TNFRSF10D: variants seen among roughly 807,000 people sequenced by gnomAD.
TNFRSF10D encodes TNF receptor superfamily member 10d.
A neutral mutation model predicts 42.1 loss-of-function variants in TNFRSF10D; 28 were observed. The observed-to-expected ratio is 0.66, with a 90% CI of 0.49 to 0.91. TNFRSF10D has a LOEUF of 0.91. Among genes scored for constraint, TNFRSF10D ranks in the 40% least tolerant of loss-of-function variants. The pLI is 0.00. For synonymous variants in TNFRSF10D, 186 were observed against 189.4 expected, an observed-to-expected ratio of 0.98 and a Z score of 0.15; for missense variants, 503 against 486.1, an observed-to-expected ratio of 1.03 and a Z score of -0.33.
chr8:23,159,115 C>T (rs1290257633), intron 1 of TNFRSF10D, among the ~76,000 whole-genome samples: 902 of 151,688 alleles, frequency 5.9e-3, no homozygotes, highest in African/African-American at 0.019. Context: ...GTGTCTGTGT[C>T]TGTGGTTTTT....
intron 1 of TNFRSF10D, among the ~76,000 whole-genome samples, chr8:23,156,862 C>T (rs925415245): frequency 5.3e-5 from 8 of 152,204 alleles, no homozygotes; most frequent in Non-Finnish European, 8.8e-5. Flanking sequence ...CCACCACACA[C>T]AGTCCGTTTT....
At chr8:23,138,371 C>T in intron 7 of TNFRSF10D, 111 bp from the exon 8 acceptor site, 1 of 1,159,190 alleles carries the variant, frequency 8.6e-7, no homozygotes, top group Non-Finnish European at 1.3e-6. Flanking sequence ...TCTTGGGTCT[C>T]CATGGAGATG....
At chr8:23,151,642 CA>C (rs1800213766) in intron 2 of TNFRSF10D, among the ~76,000 whole-genome samples, 1 of 151,822 alleles carries the variant, frequency 6.6e-6, no homozygotes, top group South Asian at 2.1e-4. Flanking sequence ...TAAATAATGA[CA>C]AAACATAAAA....
rs1294764232 is a variant in TNFRSF10D, at chr8:23,146,965, T to C, written c.478A>G (p.Thr160Ala). 2 of 1,613,942 alleles carry C rather than the reference T, an allele frequency of 1.2e-6. No homozygotes were observed. Among genetic ancestry groups the C allele is most frequent in the South Asian group, 1.1e-5 (1 of 91,082 alleles). Residue 160 changes from threonine to alanine, a missense_variant, in exon 4 of 9, where the codon ACA becomes GCA. Transcript: ENST00000312584. ...NSPEMCRTCR[T>A]GCPRGMVKVS... ...AGCCCCTGGCTGCTGTCTTACCCTG[T>C]TCTACACGTCCGGCACATCTCAGGG...
In TNFRSF10D at chr8:23,145,698, A is replaced by G; in HGVS notation, c.706T>C (p.Phe236Leu). ...CAGATGCCTTTGAGGTAAGAAATGAATTTCTTCCGACATGAAAAGCCAACC... is the reference window on the plus strand; with the variant it reads ...CAGATGCCTTTGAGGTAAGAAATGAGTTTCTTCCGACATGAAAAGCCAACC... ...VVVGFSCRKK[F>L]ISYLKGICSG... Residue 236 changes from phenylalanine to leucine, a missense_variant, in exon 5 of 9, where the codon TTC (phenylalanine) becomes CTC (leucine). By Grantham distance (22) the Phe-to-Leu change is conservative (BLOSUM62 0). Transcript: ENST00000312584. The G allele has an allele frequency of 6.2e-7, 1 of 1,614,156 alleles. No individual in the cohort carries two copies. Among genetic ancestry groups the G allele is most frequent in the Non-Finnish European group, 8.5e-7 (1 of 1,180,026 alleles).
chr8:23,160,843 C>A (rs1056425575), intron 1 of TNFRSF10D, among the ~76,000 whole-genome samples: 1 of 152,238 alleles, frequency 6.6e-6, no homozygotes, highest in East Asian at 1.9e-4. Flanking sequence ...AACTCCAACC[C>A]GGGCCGGACA....
intron 1 of TNFRSF10D, among the ~76,000 whole-genome samples, chr8:23,158,217 T>C (rs992768347): frequency 6.6e-6 from 1 of 152,232 alleles, no homozygotes. Context: ...CTGTCTCTCC[T>C]TCTGCCTTAT....
intron 7 of TNFRSF10D, among the ~76,000 whole-genome samples, chr8:23,144,180 C>T (rs1231238814): frequency 6.6e-6 from 1 of 152,232 alleles, no homozygotes; most frequent in Non-Finnish European, 1.5e-5. Context: ...TTATTCAGTC[C>T]TCAGTGAACC....
At chr8:23,139,524 C>A (rs1314840156) in intron 7 of TNFRSF10D, among the ~76,000 whole-genome samples, 3 of 152,082 alleles carry the variant, frequency 2.0e-5, no homozygotes, top group Non-Finnish European at 4.4e-5. Context: ...CCCATTGGAA[C>A]ATGCCTCAAA....
In TNFRSF10D at chr8:23,147,952, C is replaced by A. The variant is rs540442910; in HGVS notation, c.370+486G>T. 3.2e-3 allele frequency among the ~76,000 whole-genome samples: 478 copies of A among 151,268 alleles called. 1 individual carries two copies. Among genetic ancestry groups the A allele is most frequent in the African/African-American group, 0.011 (449 of 41,224 alleles). Reference sequence around the variant, plus strand: ...TGGTGGCGGGCACCTGTAGTCATAGCTACTCAGGAGGCTGAGGCAGGAGAA... The same window carrying A: ...TGGTGGCGGGCACCTGTAGTCATAGATACTCAGGAGGCTGAGGCAGGAGAA... On this transcript the variant is annotated intron_variant, in intron 3 of 8. Coordinates refer to ENST00000312584, the MANE Select transcript of TNFRSF10D (RefSeq NM_003840.5).
intron 7 of TNFRSF10D, 144 bp downstream of exon 7, chr8:23,144,306 C>T: frequency 2.2e-6 from 2 of 898,994 alleles, no homozygotes; most frequent in South Asian, 1.8e-5. Flanking sequence ...CTCAGTGCAG[C>T]TGCTCCGTCC....
intron 7 of TNFRSF10D, among the ~76,000 whole-genome samples, chr8:23,138,841 G>A (rs1403265641): frequency 5.9e-3 from 900 of 152,120 alleles, no homozygotes; most frequent in African/African-American, 0.019. Context: ...AGTAAGCTGT[G>A]TTCTTGATGA....
intron 3 of TNFRSF10D, 69 bp downstream of exon 3, chr8:23,148,369 C>T: frequency 7.9e-7 from 1 of 1,261,470 alleles, no homozygotes; most frequent in Non-Finnish European, 1.1e-6. Flanking sequence ...CCCCGACTCA[C>T]ATCGGCTACA....
chr8:23,151,885 C>G (rs1800216434), intron 2 of TNFRSF10D, among the ~76,000 whole-genome samples: 1 of 152,136 alleles, frequency 6.6e-6, no homozygotes, highest in African/African-American at 2.4e-5. Context: ...TGAGGTTTCT[C>G]TCTGTAGAGT....
intron 7 of TNFRSF10D, among the ~76,000 whole-genome samples, chr8:23,143,275 C>T (rs1311876270): frequency 6.0e-5 from 9 of 150,110 alleles, no homozygotes; most frequent in African/African-American, 2.0e-4. Context: ...GGCGCCCGGC[C>T]GACTGAGCAC....
chr8:23,146,021 C>A, intron 4 of TNFRSF10D, 100 bp from the exon 5 acceptor site: 2 of 1,537,830 alleles, frequency 1.3e-6, no homozygotes, highest in Non-Finnish European at 1.8e-6. Context: ...CCTGAGAAGG[C>A]GTCAGGAGGA....
intron 7 of TNFRSF10D, among the ~76,000 whole-genome samples, chr8:23,140,122 T>C (rs995051513): frequency 6.6e-6 from 1 of 152,230 alleles, no homozygotes; most frequent in South Asian, 2.1e-4. Flanking sequence ...ACCCCACCTC[T>C]ACTAAAAATA....
chr8:23,143,267 C>A (rs532838144), intron 7 of TNFRSF10D, among the ~76,000 whole-genome samples: 1 of 150,162 alleles, frequency 6.7e-6, no homozygotes, highest in Non-Finnish European at 1.5e-5. Flanking sequence ...TGAGCCACGG[C>A]GCCCGGCCGA....
chr8:23,148,020 G>C (rs904754401), intron 3 of TNFRSF10D, among the ~76,000 whole-genome samples: 1 of 143,358 alleles, frequency 7.0e-6, no homozygotes, highest in Non-Finnish European at 1.5e-5. Context: ...AGCCGAGATC[G>C]CGCCACTGCA....
Sources: allele counts gnomAD v4.1 joint callset (sites outside exome capture counted in the v4.1 genomes callset), GRCh38; gene constraint gnomAD v4.1.1; transcripts MANE v1.5; gene names NCBI Gene and HGNC (gene_info 2026-07-23, HGNC 2026-07-21).